The following CNTNAP2 variants were observed in gnomAD, a reference collection of about 807,000 sequenced individuals.
CNTNAP2 encodes contactin-associated protein-like 2.
CNTNAP2 carries 98 observed loss-of-function variants against 155.2 expected under a neutral mutation model. That is an observed-to-expected ratio of 0.63 (90% CI 0.54 to 0.75). CNTNAP2 has a LOEUF of 0.75. CNTNAP2 is among the 30% of genes least tolerant of loss of function. The pLI is 0.00. For missense variants in CNTNAP2, 1,727 were observed against 1,688.1 expected (o/e 1.02, Z -0.40); for synonymous variants, 651 against 631.2 (o/e 1.03, Z -0.47).
At chr7:146,893,966 T>G (rs563522852) in intron 3 of CNTNAP2, among the ~76,000 whole-genome samples, 25 of 152,334 alleles carry the variant, frequency 1.6e-4, no homozygotes, top group Admixed American at 8.5e-4. Flanking sequence ...GGCTATCCTT[T>G]AAGACTATGT....
intron 1 of CNTNAP2, among the ~76,000 whole-genome samples, chr7:146,317,080 C>T (rs141110645): frequency 1.6e-3 from 245 of 152,296 alleles, no homozygotes; most frequent in Non-Finnish European, 2.5e-3. Context: ...GATTGATAAA[C>T]ATTTGTATTT....
intron 1 of CNTNAP2, among the ~76,000 whole-genome samples, chr7:146,414,200 A>T (rs1795905718): frequency 6.6e-6 from 1 of 152,146 alleles, no homozygotes; most frequent in Non-Finnish European, 1.5e-5. Context: ...TTTATTCGTG[A>T]TTCTTAGTGG....
chr7:148,306,580 A>C (rs1375042383), intron 21 of CNTNAP2, among the ~76,000 whole-genome samples: 1 of 151,544 alleles, frequency 6.6e-6, no homozygotes, highest in Non-Finnish European at 1.5e-5. Context: ...TTCTTTTTTT[A>C]TGTTCTGAAT....
chr7:148,123,726 A>G (rs1305863266), intron 16 of CNTNAP2, among the ~76,000 whole-genome samples: 1 of 147,168 alleles, frequency 6.8e-6, no homozygotes, highest in Non-Finnish European at 1.5e-5. Flanking sequence ...GAAAGAAAAG[A>G]AAAAGGAAGA....
intron 11 of CNTNAP2, 145 bp downstream of exon 11, chr7:147,486,186 C>CAA (rs4015951): frequency 2.3e-4 from 127 of 562,068 alleles, no homozygotes; most frequent in Non-Finnish European, 2.9e-4. Flanking sequence ...GTCATTTCTC[C>CAA]AAAAAAAAAA....
intron 1 of CNTNAP2, among the ~76,000 whole-genome samples, chr7:146,611,742 T>C (rs991845822): frequency 6.6e-6 from 1 of 152,212 alleles, no homozygotes; most frequent in African/African-American, 2.4e-5. Flanking sequence ...AAATTACATA[T>C]TTTGGTATAA....
chr7:147,130,254 A>G (rs1801325903), intron 7 of CNTNAP2, among the ~76,000 whole-genome samples: 1 of 150,866 alleles, frequency 6.6e-6, no homozygotes, highest in South Asian at 2.1e-4. Flanking sequence ...TCTCTACAAC[A>G]AGTTAAGAAA....
chr7:146,964,253 T>TTGC (rs1330409050), intron 3 of CNTNAP2, among the ~76,000 whole-genome samples: 2 of 152,196 alleles, frequency 1.3e-5, no homozygotes, highest in Non-Finnish European at 2.9e-5. Context: ...ACAATAGAAT[T>TTGC]TGCTGCAAAG....
chr7:147,715,206 C>T lies in CNTNAP2; in HGVS notation c.2098+75900C>T, dbSNP rs139573293. ...GGACAAATGTCCACATGTATAATTC[C>T]TGGATCACATAGTAAGTCCATTTTT... On this transcript the variant is annotated intron_variant, in intron 13 of 23. Coordinates refer to ENST00000361727, the MANE Select transcript of CNTNAP2 (RefSeq NM_014141.6). Among the ~76,000 whole-genome samples, 409 of 152,172 alleles carry T rather than the reference C, an allele frequency of 2.7e-3. 1 individual carries two copies. The highest frequency in any genetic ancestry group is 9.2e-3 in the African/African-American group (384 of 41,562).
At chr7:148,402,411 G>A (rs781297707) in intron 22 of CNTNAP2, among the ~76,000 whole-genome samples, 4 of 152,190 alleles carry the variant, frequency 2.6e-5, no homozygotes, top group East Asian at 1.9e-4. Flanking sequence ...CTCTGCCTAC[G>A]GAAAAACCTG....
intron 10 of CNTNAP2, among the ~76,000 whole-genome samples, chr7:147,475,150 T>G (rs772974970): frequency 1.3e-5 from 2 of 152,236 alleles, no homozygotes; most frequent in Non-Finnish European, 2.9e-5. Context: ...AATAAATATT[T>G]TTCCCTAGAT....
intron 1 of CNTNAP2, among the ~76,000 whole-genome samples, chr7:146,479,133 T>G (rs1796922971): frequency 6.6e-6 from 1 of 152,186 alleles, no homozygotes; most frequent in South Asian, 2.1e-4. Context: ...CCCTTGTCTG[T>G]GCCTAGGAAA....
intron 1 of CNTNAP2, among the ~76,000 whole-genome samples, chr7:146,722,539 C>T (rs1801355623): frequency 6.6e-6 from 1 of 152,052 alleles, no homozygotes. Flanking sequence ...AATTTTCATT[C>T]TGTGGCTGGT....
chr7:147,287,603 C>G (rs1805208864), intron 8 of CNTNAP2, among the ~76,000 whole-genome samples: 2 of 151,688 alleles, frequency 1.3e-5, no homozygotes, highest in Non-Finnish European at 3.0e-5. Flanking sequence ...TTCATCTTGC[C>G]CCGTGACTTA....
chr7:147,167,229 T>A (rs1802132379), intron 8 of CNTNAP2: 2 of 347,938 alleles, frequency 5.7e-6, no homozygotes, highest in Admixed American at 4.7e-5. Flanking sequence ...CCCAGAAAGA[T>A]GCTCCCTTTA....
At chr7:147,989,783 G>C (rs780833840) in intron 15 of CNTNAP2, among the ~76,000 whole-genome samples, 1 of 152,056 alleles carries the variant, frequency 6.6e-6, no homozygotes, top group Admixed American at 6.6e-5. Flanking sequence ...TCTCAGCTTC[G>C]ATGTTAATTC....
chr7:147,009,758 C>G (rs1391189097), intron 3 of CNTNAP2, among the ~76,000 whole-genome samples: 3 of 152,090 alleles, frequency 2.0e-5, no homozygotes. Flanking sequence ...AGACTTCCTT[C>G]TACCTAGAGC....
At chr7:147,312,191 C>T (rs1159270580) in intron 9 of CNTNAP2, among the ~76,000 whole-genome samples, 2 of 152,032 alleles carry the variant, frequency 1.3e-5, no homozygotes, top group Non-Finnish European at 2.9e-5. Flanking sequence ...CTTTGTCCAT[C>T]CCAGCAACCA....
In CNTNAP2 at chr7:147,430,380, C is replaced by A. The variant is rs1797445701; in HGVS notation, c.1670+34600C>A. ...ATTCCTATTTAACTGGTTTTTCTAA[C>A]CATCTCAGGATTAACCCATCTGTTC... is the stretch of plus-strand genomic sequence containing the variant. On this transcript the variant is annotated intron_variant, in intron 10 of 23. Coordinates refer to ENST00000361727, the MANE Select transcript of CNTNAP2 (RefSeq NM_014141.6). Among the ~76,000 whole-genome samples the A allele has an allele frequency of 2.0e-5, 3 of 152,234 alleles. No individual in the cohort carries two copies. In the South Asian group the frequency reaches 6.2e-4, roughly 32 times the overall value.
Sources: allele counts gnomAD v4.1 joint callset (sites outside exome capture counted in the v4.1 genomes callset), GRCh38; gene constraint gnomAD v4.1.1; transcripts MANE v1.5; gene names NCBI Gene and HGNC (gene_info 2026-07-23, HGNC 2026-07-21).